The following PRKN variants were observed in gnomAD, a reference collection of about 807,000 sequenced individuals.
The protein encoded by PRKN is parkin RBR E3 ubiquitin protein ligase, also known as E3 ubiquitin-protein ligase parkin.
A neutral mutation model predicts 59.5 loss-of-function variants in PRKN; 56 were observed. The observed-to-expected ratio is 0.94, with a 90% CI of 0.76 to 1.18. PRKN has a LOEUF of 1.18. PRKN is among the 50% of genes most tolerant of loss of function. PRKN has a pLI of 0.00. For synonymous variants in PRKN, 250 were observed against 222.1 expected, an observed-to-expected ratio of 1.13 and a Z score of -1.12; for missense variants, 657 against 596.4, an observed-to-expected ratio of 1.10 and a Z score of -1.06.
chr6:162,072,535 C>T (rs2128291156), intron 4 of PRKN, among the ~76,000 whole-genome samples: 1 of 152,294 alleles, frequency 6.6e-6, no homozygotes, highest in African/African-American at 2.4e-5. Flanking sequence ...GACAATTAAT[C>T]CATAAATAAT....
chr6:162,448,428 A>G (rs1790427205), intron 1 of PRKN, among the ~76,000 whole-genome samples: 1 of 152,054 alleles, frequency 6.6e-6, no homozygotes, highest in Admixed American at 6.6e-5. Context: ...CCGTGAGCCA[A>G]CACTTGAAGA....
chr6:162,492,956 CAAAA>C (rs34716532), intron 1 of PRKN, among the ~76,000 whole-genome samples: 5 of 110,328 alleles, frequency 4.5e-5, no homozygotes, highest in African/African-American at 6.8e-5. Context: ...TTGTCTCAAA[CAAAA>C]AAAAAAAAAA....
intron 7 of PRKN, among the ~76,000 whole-genome samples, chr6:161,741,380 G>A (rs1316789111): frequency 6.6e-6 from 1 of 152,220 alleles, no homozygotes; most frequent in East Asian, 1.9e-4. Flanking sequence ...AAATCTCAGA[G>A]GCAGGGCAAG....
intron 1 of PRKN, among the ~76,000 whole-genome samples, chr6:162,599,912 T>C (rs556060819): frequency 6.6e-6 from 1 of 152,306 alleles, no homozygotes; most frequent in Non-Finnish European, 1.5e-5. Flanking sequence ...TTAATTCAGT[T>C]AATAAATTCA....
chr6:161,398,700 A>G (rs1043083499), intron 9 of PRKN, among the ~76,000 whole-genome samples: 14 of 152,150 alleles, frequency 9.2e-5, no homozygotes, highest in African/African-American at 3.1e-4. Context: ...TCAAGCATGT[A>G]CTGTGTGTGA....
chr6:162,163,715 A>G (rs1471566703), intron 4 of PRKN, among the ~76,000 whole-genome samples: 3 of 149,162 alleles, frequency 2.0e-5, no homozygotes, highest in Non-Finnish European at 4.4e-5. Context: ...TATAAAGCAA[A>G]GTTCCGTCCA....
chr6:161,883,516 G>C (rs1307314431), intron 6 of PRKN, among the ~76,000 whole-genome samples: 2 of 151,514 alleles, frequency 1.3e-5, no homozygotes, highest in Admixed American at 1.3e-4. Flanking sequence ...AAGGTGGGGA[G>C]GGGAGGGGAG....
chr6:161,805,627 C>T (rs1037248023), intron 6 of PRKN, among the ~76,000 whole-genome samples: 13 of 152,164 alleles, frequency 8.5e-5, no homozygotes, highest in Admixed American at 2.0e-4. Context: ...TCACTACCCC[C>T]GGCTCCTCTG....
chr6:161,747,292 G>T (rs944885343), intron 7 of PRKN, among the ~76,000 whole-genome samples: 4 of 152,090 alleles, frequency 2.6e-5, no homozygotes, highest in Admixed American at 2.6e-4. Flanking sequence ...ACAGGGTAAT[G>T]AAAATTATAA....
At chr6:161,793,819 T>C (rs1327233457) in intron 6 of PRKN, among the ~76,000 whole-genome samples, 5 of 152,222 alleles carry the variant, frequency 3.3e-5, no homozygotes, top group East Asian at 1.9e-4. Context: ...CTACATAAAA[T>C]AATATTGTAA....
At chr6:161,886,822 C>T (rs916430477) in intron 6 of PRKN, among the ~76,000 whole-genome samples, 11 of 151,396 alleles carry the variant, frequency 7.3e-5, no homozygotes, top group Non-Finnish European at 1.2e-4. Context: ...TTTCTTGTTT[C>T]ATTTATTTAG....
At chr6:161,783,753 G>C (rs1175982532) in intron 7 of PRKN, 1 of 450,242 alleles carries the variant, frequency 2.2e-6, no homozygotes, top group East Asian at 6.2e-5. Flanking sequence ...AACTTCACTA[G>C]ATTTTGGATG....
intron 5 of PRKN, among the ~76,000 whole-genome samples, chr6:162,026,504 C>T (rs1432970275): frequency 6.6e-6 from 1 of 152,192 alleles, no homozygotes; most frequent in Non-Finnish European, 1.5e-5. Flanking sequence ...GACACATTCA[C>T]TTTCAGCCAC....
intron 9 of PRKN, among the ~76,000 whole-genome samples, chr6:161,481,649 A>G (rs1235777587): frequency 1.3e-5 from 2 of 152,096 alleles, no homozygotes; most frequent in African/African-American, 2.4e-5. Context: ...AAAAACAAAC[A>G]AGGAAAAAAA....
intron 3 of PRKN, among the ~76,000 whole-genome samples, chr6:162,224,860 A>G (rs771088436): frequency 1.3e-5 from 2 of 152,166 alleles, no homozygotes; most frequent in Non-Finnish European, 2.9e-5. Context: ...AGTTTTACAC[A>G]GTGCAAAGCC....
chr6:162,492,434 C>T (rs370555263), intron 1 of PRKN, among the ~76,000 whole-genome samples: 7 of 152,312 alleles, frequency 4.6e-5, no homozygotes, highest in African/African-American at 1.7e-4. Flanking sequence ...CAGGTCCCAT[C>T]CCTGGGCTGA....
chr6:162,282,152 G>A (rs778233322), intron 2 of PRKN, among the ~76,000 whole-genome samples: 6 of 152,176 alleles, frequency 3.9e-5, no homozygotes, highest in Non-Finnish European at 7.3e-5. Context: ...CCCTGGTATA[G>A]AGCAACGCAT....
At chr6:162,125,042 TA>T (rs1370140829) in intron 4 of PRKN, among the ~76,000 whole-genome samples, 3 of 152,198 alleles carry the variant, frequency 2.0e-5, no homozygotes, top group African/African-American at 7.2e-5. Context: ...GTACGATTAT[TA>T]TAGAAAGTGA....
chr6:161,557,209 T>G (rs1008376123), intron 8 of PRKN, among the ~76,000 whole-genome samples: 1 of 152,216 alleles, frequency 6.6e-6, no homozygotes, highest in Non-Finnish European at 1.5e-5. Flanking sequence ...TTTATTTCTT[T>G]GGGGAGTAAA....
Sources: allele counts gnomAD v4.1 joint callset (sites outside exome capture counted in the v4.1 genomes callset), GRCh38; gene constraint gnomAD v4.1.1; transcripts MANE v1.5; gene names NCBI Gene and HGNC (gene_info 2026-07-23, HGNC 2026-07-21).